LCORL: variants seen among roughly 807,000 people sequenced by gnomAD.
LCORL encodes ligand-dependent nuclear receptor corepressor-like protein.
A neutral mutation model predicts 141.8 loss-of-function variants in LCORL; 41 were observed. The observed-to-expected ratio is 0.29, with a 90% CI of 0.23 to 0.38. The LOEUF is 0.38. LCORL is among the 10% of genes least tolerant of loss of function. The pLI, the probability that LCORL is intolerant of heterozygous loss-of-function variation, is 1.00. For missense variants in LCORL, 1,759 were observed against 2,035.0 expected (o/e 0.86, Z 2.61); for synonymous variants, 618 against 694.1 (o/e 0.89, Z 1.72).
At chr4:18,003,741 A>T (rs1009684085) in intron 1 of LCORL, among the ~76,000 whole-genome samples, 4 of 152,256 alleles carry the variant, frequency 2.6e-5, no homozygotes, top group African/African-American at 9.6e-5. Context: ...CAGGGATCTA[A>T]GACCTACAAT....
intron 4 of LCORL, among the ~76,000 whole-genome samples, chr4:17,914,793 T>C (rs779656773): frequency 2.0e-5 from 3 of 152,160 alleles, no homozygotes; most frequent in Admixed American, 1.3e-4. Flanking sequence ...GAACAATTAT[T>C]TTTTGCCTTA....
chr4:17,961,866 A>G (rs1039176064), intron 4 of LCORL, 37 bp downstream of exon 4: 1 of 1,579,052 alleles, frequency 6.3e-7, no homozygotes, highest in Non-Finnish European at 8.6e-7. Flanking sequence ...TTACATCTCT[A>G]TTGCAAATTT....
rs1335650392 is a variant in LCORL, at chr4:17,981,127, TTTG to T, written c.155-8245_155-8243del. 1.2e-4 allele frequency among the ~76,000 whole-genome samples: 19 copies of T among 152,338 alleles called. No homozygotes were observed. The East Asian group carries it at 2.1e-3, about 17-fold the overall frequency. ...TCCCTACTGAAAGCTATATAACTTT[TTTG>T]TTGTTATTGTTATTACAAACATTGC... is the stretch of plus-strand genomic sequence containing the variant. On this transcript the variant is annotated intron_variant, in intron 1 of 7. Coordinates refer to ENST00000635767, the Ensembl canonical transcript of LCORL.
At chr4:17,915,195 G>A (rs546545456) in intron 4 of LCORL, among the ~76,000 whole-genome samples, 1 of 151,938 alleles carries the variant, frequency 6.6e-6, no homozygotes, top group South Asian at 2.1e-4. Flanking sequence ...CCATAACTAT[G>A]AGCAGTCCCA....
rs1202914859 is a variant in LCORL at position 17,883,717 on chromosome 4, A to T, written c.776+2351T>A. 2.0e-6 allele frequency: 3 copies of T among 1,518,262 alleles called. No individual in the cohort carries two copies. In the South Asian group the frequency reaches 3.8e-5, roughly 19 times the overall value. 94.0% of individuals were successfully genotyped at this position (1,518,262 alleles called of 1,614,324 possible). ...ACTCACAAACATTTTCCTAACAAGTAATCTACACAGGCTTGCTGCTGTTTT... is the reference window on the plus strand; with the variant it reads ...ACTCACAAACATTTTCCTAACAAGTTATCTACACAGGCTTGCTGCTGTTTT... On this transcript the variant is annotated intron_variant, in intron 6 of 7. Transcript: ENST00000635767.
chr4:17,874,983 G>A, exon 7 of LCORL: 1 of 1,233,702 alleles, frequency 8.1e-7, no homozygotes, highest in Non-Finnish European at 1.0e-6. Context: ...ATGCAGAGAT[G>A]GTTTTCTATC....
Position 17,849,067 on chromosome 4 carries a change from C to T in LCORL, c.5603-3166G>A, listed in dbSNP as rs537815457. Reference sequence around the variant, plus strand: ...TGGAGCCCACCACAGCTCAAGGAGGCCTGCCTGCCTCTGCAGGCTCCACCT... The same window carrying T: ...TGGAGCCCACCACAGCTCAAGGAGGTCTGCCTGCCTCTGCAGGCTCCACCT... On this transcript the variant is annotated intron_variant, in intron 7 of 7. Transcript: ENST00000635767. Among the ~76,000 whole-genome samples, 1,054 of 152,372 alleles carry T rather than the reference C, an allele frequency of 6.9e-3. 16 individuals carry two copies. Among genetic ancestry groups the T allele is most frequent in the African/African-American group, 0.024 (979 of 41,594 alleles).
chr4:17,990,474 C>T (rs1719792529), intron 1 of LCORL, among the ~76,000 whole-genome samples: 1 of 135,316 alleles, frequency 7.4e-6, no homozygotes, highest in Admixed American at 7.7e-5. Flanking sequence ...TTAATGTCAA[C>T]TGTGCCTTAT....
Position 17,966,967 on chromosome 4 carries a change from G to A in LCORL, c.221-3918C>T, listed in dbSNP as rs115127843. ...AAAAAATTTGTCCACAAAAAAATTT[G>A]CCTGTGTTTATAGCAGTCTTATTCT... On this transcript the variant is annotated intron_variant, in intron 2 of 7. Coordinates refer to ENST00000635767, the Ensembl canonical transcript of LCORL. Among the ~76,000 whole-genome samples, 415 of 152,236 alleles carry A rather than the reference G, an allele frequency of 2.7e-3. 2 individuals are homozygous for A. Among genetic ancestry groups the A allele is most frequent in the African/African-American group, 8.1e-3 (338 of 41,554 alleles).
chr4:17,912,926 TG>T, intron 4 of LCORL: 1 of 471,406 alleles, frequency 2.1e-6, no homozygotes, highest in Non-Finnish European at 4.1e-6. Flanking sequence ...CACCGGATAG[TG>T]GATGGCAAAG....
At chr4:18,013,830 T>TC (rs1724196162) in intron 1 of LCORL, among the ~76,000 whole-genome samples, 1 of 152,028 alleles carries the variant, frequency 6.6e-6, no homozygotes, top group South Asian at 2.1e-4. Context: ...TTTTTTTTTT[T>TC]CGGAGTCTTG....
At chr4:17,932,862 G>C (rs143946253) in intron 4 of LCORL, among the ~76,000 whole-genome samples, 143 of 152,242 alleles carry the variant, frequency 9.4e-4, no homozygotes, top group African/African-American at 3.3e-3. Context: ...AGCTCCAGTA[G>C]ATTATTCTAG....
exon 7 of LCORL, chr4:17,878,184 G>A: frequency 8.1e-7 from 1 of 1,229,522 alleles, no homozygotes; most frequent in Non-Finnish European, 1.0e-6. Context: ...CATTTTAGTA[G>A]CTTCCTCTGA....
At chr4:17,855,164 A>G (rs1484965719) in intron 7 of LCORL, among the ~76,000 whole-genome samples, 1 of 152,184 alleles carries the variant, frequency 6.6e-6, no homozygotes, top group Non-Finnish European at 1.5e-5. Flanking sequence ...CAGAGAACCA[A>G]CAATCTTCAG....
intron 4 of LCORL, chr4:17,912,226 T>C (rs941645304): frequency 1.1e-5 from 8 of 745,300 alleles, no homozygotes; most frequent in Non-Finnish European, 1.7e-5. Context: ...CGTGCGCCAG[T>C]CTGTGGAGAG....
At chr4:18,011,466 T>C (rs1203180487) in intron 1 of LCORL, among the ~76,000 whole-genome samples, 1 of 152,142 alleles carries the variant, frequency 6.6e-6, no homozygotes, top group Non-Finnish European at 1.5e-5. Flanking sequence ...GGCTTACAAT[T>C]TCCTCCTTGT....
At chr4:17,961,127 T>C (rs190519957) in intron 4 of LCORL, among the ~76,000 whole-genome samples, 3 of 152,222 alleles carry the variant, frequency 2.0e-5, no homozygotes, top group East Asian at 3.9e-4. Flanking sequence ...AATATGGTAA[T>C]GTTTTCTTAA....
At chr4:17,946,926 C>G (rs569861217) in intron 4 of LCORL, among the ~76,000 whole-genome samples, 31 of 151,942 alleles carry the variant, frequency 2.0e-4, no homozygotes, top group Non-Finnish European at 4.0e-4. Context: ...TGAATTAGTA[C>G]AGCCATTATG....
At chr4:17,869,768 C>T (rs1213529437) in intron 7 of LCORL, among the ~76,000 whole-genome samples, 1 of 152,068 alleles carries the variant, frequency 6.6e-6, no homozygotes, top group Non-Finnish European at 1.5e-5. Flanking sequence ...GGAAGCATAT[C>T]CATAACTGCT....
Sources: allele counts gnomAD v4.1 joint callset (sites outside exome capture counted in the v4.1 genomes callset), GRCh38; gene constraint gnomAD v4.1.1; transcripts MANE v1.5; gene names NCBI Gene and HGNC (gene_info 2026-07-23, HGNC 2026-07-21).